NCKAP5: variants seen among roughly 807,000 people sequenced by gnomAD.
The protein encoded by NCKAP5 is NCK associated protein 5.
NCKAP5 carries 92 observed loss-of-function variants against 167.0 expected under a neutral mutation model. The ratio of observed to expected loss-of-function variants is 0.55; its 90% confidence interval spans 0.47 to 0.66. The LOEUF is 0.66. Ranked by LOEUF, NCKAP5 falls within the 30% of genes least tolerant of loss-of-function variation. The probability of loss-of-function intolerance (pLI) is 0.00; values close to 1 mark genes in which losing one functional copy is unlikely to be tolerated. For synonymous variants in NCKAP5, 891 were observed against 877.4 expected (o/e 1.02, Z -0.27); for missense variants, 2,378 against 2,315.0 (o/e 1.03, Z -0.56).
chr2:133,163,052 G>A (rs1318427675), intron 5 of NCKAP5, among the ~76,000 whole-genome samples: 1 of 152,104 alleles, frequency 6.6e-6, no homozygotes, highest in Non-Finnish European at 1.5e-5. Flanking sequence ...TGGGGGAAAC[G>A]TTCTAAAATG....
intron 2 of NCKAP5, among the ~76,000 whole-genome samples, chr2:133,548,555 C>G (rs369617972): frequency 1.4e-3 from 206 of 150,954 alleles, no homozygotes; most frequent in Middle Eastern, 3.5e-3. Flanking sequence ...CAAGCCAGAA[C>G]AGAGTGGGGG....
At chr2:133,319,884 A>G (rs1681906577) in intron 3 of NCKAP5, among the ~76,000 whole-genome samples, 1 of 152,212 alleles carries the variant, frequency 6.6e-6, no homozygotes, top group Non-Finnish European at 1.5e-5. Flanking sequence ...TTGCTATAAT[A>G]ACGAATCACA....
At chr2:132,923,857 A>G (rs371559715) in intron 8 of NCKAP5, among the ~76,000 whole-genome samples, 101 of 152,350 alleles carry the variant, frequency 6.6e-4, no homozygotes, top group African/African-American at 2.4e-3. Flanking sequence ...GAGATTTCCA[A>G]TGTTGAAAAA....
intron 6 of NCKAP5, among the ~76,000 whole-genome samples, chr2:133,020,293 A>G (rs6725800): frequency 0.41 from 62,059 of 152,066 alleles, 14,038 homozygotes; most frequent in Non-Finnish European, 0.51. Flanking sequence ...ATGAGAAACA[A>G]TGAGGGTTTA....
the NCKAP5 span, among the ~76,000 whole-genome samples, chr2:133,590,273 G>A: frequency 1.9e-4 from 29 of 151,866 alleles, no homozygotes; most frequent in African/African-American, 6.0e-4. Flanking sequence ...GGCAGATCAC[G>A]AGGTTAGGAG....
intron 19 of NCKAP5, among the ~76,000 whole-genome samples, chr2:132,721,141 C>G (rs948055637): frequency 6.6e-6 from 1 of 151,966 alleles, no homozygotes; most frequent in Non-Finnish European, 1.5e-5. Context: ...AACCCCGTCT[C>G]TACTAAAAAT....
At chr2:132,776,399 T>C (rs751260004) in intron 15 of NCKAP5, among the ~76,000 whole-genome samples, 3 of 152,236 alleles carry the variant, frequency 2.0e-5, no homozygotes, top group Non-Finnish European at 2.9e-5. Context: ...CAGTCCTACC[T>C]GTCAGCTCCT....
intron 6 of NCKAP5, among the ~76,000 whole-genome samples, chr2:132,999,656 A>T (rs1026777625): frequency 6.6e-5 from 10 of 152,226 alleles, no homozygotes; most frequent in African/African-American, 4.8e-5. Context: ...TAATGAAAGC[A>T]GTGTTGGAAA....
At chr2:133,267,222 G>A (rs1370412267) in intron 4 of NCKAP5, 2 of 152,132 alleles carry the variant, frequency 1.3e-5, no homozygotes, top group East Asian at 3.9e-4. Flanking sequence ...ATCCAGAAGG[G>A]GAAATAGTGC....
chr2:133,476,047 C>T (rs973800758), intron 3 of NCKAP5, among the ~76,000 whole-genome samples: 5 of 152,162 alleles, frequency 3.3e-5, no homozygotes, highest in African/African-American at 1.2e-4. Flanking sequence ...TCTTCCTTAT[C>T]CTCCATCCAT....
intron 5 of NCKAP5, among the ~76,000 whole-genome samples, chr2:133,143,497 T>C (rs1268511364): frequency 1.3e-5 from 2 of 152,188 alleles, no homozygotes; most frequent in East Asian, 1.9e-4. Flanking sequence ...AGGATCCATG[T>C]CTTCATAAGA....
intron 3 of NCKAP5, among the ~76,000 whole-genome samples, chr2:133,431,037 G>C (rs567749433): frequency 2.0e-5 from 3 of 151,768 alleles, no homozygotes; most frequent in Admixed American, 6.6e-5. Context: ...GAGACAGAGA[G>C]TTTTCTAGCT....
intron 5 of NCKAP5, among the ~76,000 whole-genome samples, chr2:133,208,782 T>A (rs372668946): frequency 1.3e-4 from 20 of 152,292 alleles, no homozygotes; most frequent in African/African-American, 4.3e-4. Context: ...CACTCTAGAC[T>A]ATATTTGCAA....
At chr2:133,504,181 C>A (rs1056905646) in intron 3 of NCKAP5, among the ~76,000 whole-genome samples, 6 of 151,470 alleles carry the variant, frequency 4.0e-5, no homozygotes, top group Non-Finnish European at 4.4e-5. Context: ...TTAAAGCAAT[C>A]TTCTGGTGAG....
At chr2:133,349,415 G>C (rs1684199222) in intron 3 of NCKAP5, among the ~76,000 whole-genome samples, 1 of 152,204 alleles carries the variant, frequency 6.6e-6, no homozygotes, top group Admixed American at 6.5e-5. Flanking sequence ...CCACTTGCCT[G>C]ACTGCCTGTG....
chr2:132,923,332 C>T (rs544249317), intron 8 of NCKAP5, among the ~76,000 whole-genome samples: 2 of 152,260 alleles, frequency 1.3e-5, no homozygotes, highest in African/African-American at 4.8e-5. Context: ...AGGAATAAAT[C>T]GATGAAGGAA....
intron 4 of NCKAP5, among the ~76,000 whole-genome samples, chr2:133,227,346 G>T (rs906973338): frequency 6.6e-6 from 1 of 152,130 alleles, no homozygotes. Flanking sequence ...CTACTGCTAT[G>T]CCCAGTATAA....
At chr2:133,203,485 C>T (rs1269937620) in intron 5 of NCKAP5, among the ~76,000 whole-genome samples, 1 of 152,012 alleles carries the variant, frequency 6.6e-6, no homozygotes, top group Non-Finnish European at 1.5e-5. Context: ...TACATGTATA[C>T]ATATGTAACA....
intron 3 of NCKAP5, among the ~76,000 whole-genome samples, chr2:133,372,543 G>T (rs1056958469): frequency 1.3e-5 from 2 of 152,100 alleles, no homozygotes; most frequent in Non-Finnish European, 2.9e-5. Flanking sequence ...AGTGTTAACA[G>T]CATTTTTCTT....
Sources: allele counts gnomAD v4.1 joint callset (sites outside exome capture counted in the v4.1 genomes callset), GRCh38; gene constraint gnomAD v4.1.1; transcripts MANE v1.5; gene names NCBI Gene and HGNC (gene_info 2026-07-23, HGNC 2026-07-21).